CATSPERD: variants seen among roughly 807,000 people sequenced by gnomAD.
The protein encoded by CATSPERD is cation channel sperm-associated auxiliary subunit delta.
Under a neutral mutation model 98.1 loss-of-function variants are expected in CATSPERD, and 86 were observed. That is an observed-to-expected ratio of 0.88 (90% CI 0.74 to 1.05). CATSPERD has a LOEUF of 1.05. Among genes scored for constraint, CATSPERD ranks in the 50% least tolerant of loss-of-function variants. The probability of loss-of-function intolerance (pLI) is 0.00; values close to 1 mark genes in which losing one functional copy is unlikely to be tolerated. For synonymous variants in CATSPERD, 394 were observed against 390.2 expected, an observed-to-expected ratio of 1.01 and a Z score of -0.12; for missense variants, 995 against 1,005.7, an observed-to-expected ratio of 0.99 and a Z score of 0.14.
In CATSPERD at chr19:5,763,268, T is replaced by C. The variant is rs1410288966; in HGVS notation, c.1481T>C (p.Ile494Thr). The C allele has an allele frequency of 6.2e-7, 1 of 1,613,930 alleles. No individual in the cohort carries two copies. The highest frequency in any genetic ancestry group is 8.5e-7 in the Non-Finnish European group (1 of 1,179,970). ...ACTGTGGACATAGCAAACAAGGAAA[T>C]TTCATGTGTGGATATCAAGCCACTG... ...TLTVDIANKEISCVDIKPLST... is the reference protein window; with the variant it reads ...TLTVDIANKETSCVDIKPLST... The change falls in exon 16 of 22, where the codon ATT (isoleucine) becomes ACT (threonine). Residue 494 changes from isoleucine to threonine, a missense_variant. Transcript: ENST00000381624.
At chr19:5,767,464 C>T (rs998150725) in intron 17 of CATSPERD, among the ~76,000 whole-genome samples, 1 of 150,720 alleles carries the variant, frequency 6.6e-6, no homozygotes, top group African/African-American at 2.4e-5. Context: ...ATGCATTAGA[C>T]GCAAAGGTGT....
Position 5,772,389 on chromosome 19 carries a change from G to T in CATSPERD, c.1764-399G>T, listed in dbSNP as rs145076919. ...ATTACAGGCGCCCGCCACTGCGCCC[G>T]GCTAATTTTTTTTATTTTTAGTAGA... On this transcript the variant is annotated intron_variant, in intron 19 of 21. Coordinates refer to ENST00000381624, the MANE Select transcript of CATSPERD (RefSeq NM_152784.4). 8.7e-3 allele frequency: 2,207 copies of T among 253,938 alleles called. 61 individuals carry two copies. Among genetic ancestry groups the T allele is most frequent in the African/African-American group, 0.047 (2,023 of 42,608 alleles). 15.7% of individuals were successfully genotyped at this position (253,938 alleles called of 1,614,324 possible). A position where few individuals can be genotyped will look rare whatever the true frequency, so the allele number is the denominator to read the frequency against.
chr19:5,747,988 C>A (rs1023905306), intron 9 of CATSPERD, among the ~76,000 whole-genome samples, 172 bp from the exon 10 acceptor site: 4 of 152,040 alleles, frequency 2.6e-5, no homozygotes, highest in African/African-American at 9.7e-5. Context: ...CTGTATTCTC[C>A]TTGATTCATT....
chr19:5,772,680 C>T lies in CATSPERD; in HGVS notation c.1764-108C>T. On this transcript the variant is annotated intron_variant, in intron 19 of 21. Coordinates refer to ENST00000381624, the MANE Select transcript of CATSPERD (RefSeq NM_152784.4). Reference sequence around the variant, plus strand: ...AGGCGTCCTTTGGTTTCCTCTCTGTCACCTCCCACCCCCCAAGCGGTTTTG... The same window carrying T: ...AGGCGTCCTTTGGTTTCCTCTCTGTTACCTCCCACCCCCCAAGCGGTTTTG... 3 of 1,144,976 alleles carry T rather than the reference C, an allele frequency of 2.6e-6. No homozygotes were observed. The Middle Eastern group carries it at 6.5e-4, about 248-fold the overall frequency. 70.9% of individuals were successfully genotyped at this position (1,144,976 alleles called of 1,614,324 possible). A position where few individuals can be genotyped will look rare whatever the true frequency, so the allele number is the denominator to read the frequency against.
intron 16 of CATSPERD, among the ~76,000 whole-genome samples, chr19:5,765,655 T>C (rs1007244635): frequency 3.3e-5 from 5 of 151,188 alleles, no homozygotes; most frequent in Non-Finnish European, 7.4e-5. Flanking sequence ...CTACTAAAAA[T>C]ACAAAAATTA....
chr19:5,758,320 C>T (rs903339411), intron 14 of CATSPERD, among the ~76,000 whole-genome samples: 2 of 152,054 alleles, frequency 1.3e-5, no homozygotes, highest in Non-Finnish European at 2.9e-5. Context: ...AGAAAACAGT[C>T]ACTCCTCACT....
At chr19:5,769,577 G>C (rs1198053271) in intron 18 of CATSPERD, among the ~76,000 whole-genome samples, 5 of 152,052 alleles carry the variant, frequency 3.3e-5, no homozygotes, top group Admixed American at 3.3e-4. Flanking sequence ...TGCCACGCGA[G>C]TGCACACTTC....
In CATSPERD at chr19:5,751,823, G is replaced by C. The variant is rs767902969; in HGVS notation, c.1164G>C (p.Lys388Asn). ...MDPELHVGKC[K>N]IEFLTGEFIY... ...CTGAACTCCACGTTGGAAAGTGCAA[G>C]GTATGTGATCCTAACTGTTTTGATC... Residue 388 changes from lysine to asparagine, a missense_variant and splice_region_variant, in exon 12 of 22, where the codon AAG becomes AAC. By Grantham distance (94) the Lys-to-Asn change is moderately conservative (BLOSUM62 0). Around this residue, in one of 3 missense-constraint regions of CATSPERD, gnomAD observed 762 missense variants for 773.7 expected, o/e 0.98. Transcript: ENST00000381624. 1 of 1,609,646 alleles carries C rather than the reference G, an allele frequency of 6.2e-7. No homozygotes were observed. Among genetic ancestry groups the C allele is most frequent in the Non-Finnish European group, 8.5e-7 (1 of 1,177,740 alleles).
chr19:5,754,500 G>A (rs1050381368), intron 13 of CATSPERD, among the ~76,000 whole-genome samples: 2 of 143,774 alleles, frequency 1.4e-5, no homozygotes, highest in African/African-American at 2.5e-5. Context: ...CTGGGCTCAA[G>A]CAATTCTCCT....
At chr19:5,734,229 G>A (rs758196702) in intron 5 of CATSPERD, among the ~76,000 whole-genome samples, 14 of 152,216 alleles carry the variant, frequency 9.2e-5, no homozygotes, top group Non-Finnish European at 1.8e-4. Flanking sequence ...TTGGCCGGGT[G>A]CGCTGGCTCA....
rs189827309 is a variant in CATSPERD, at chr19:5,769,801, G to A, written c.1635-1143G>A. 3.3e-3 allele frequency among the ~76,000 whole-genome samples: 501 copies of A among 152,120 alleles called. 9 individuals carry two copies. Among genetic ancestry groups the A allele is most frequent in the Middle Eastern group, 6.8e-3 (2 of 294 alleles). The stretch of plus-strand genomic sequence containing the variant: ...TATTAGTTGGTGCAAAAGTAATTAC[G>A]GTTTTGGCCGGGCAGGGTGGCTCAT... On this transcript the variant is annotated intron_variant, in intron 18 of 21. Transcript: ENST00000381624.
Position 5,776,267 on chromosome 19 carries a change from A to T in CATSPERD, c.2048A>T (p.His683Leu). The change falls in exon 21 of 22, where the codon CAC (histidine) becomes CTC (leucine). Residue 683 changes from histidine to leucine, a missense_variant. His to Leu is a moderately conservative substitution (Grantham distance 99). Transcript: ENST00000381624. ...ACAGCAAACCAGATCATTTTCGGCC[A>T]CAATGGCTTTTATGTCTTCTACATT... ...GRTANQIIFG[H>L]NGFYVFYISI... 1 of 1,614,218 alleles carries T rather than the reference A, an allele frequency of 6.2e-7. No homozygotes were observed. The highest frequency in any genetic ancestry group is 8.5e-7 in the Non-Finnish European group (1 of 1,180,044).
chr19:5,721,492 C>T (rs1239526407), intron 1 of CATSPERD, among the ~76,000 whole-genome samples: 1 of 152,086 alleles, frequency 6.6e-6, no homozygotes, highest in Admixed American at 6.6e-5. Flanking sequence ...TTAGTGCATA[C>T]TCCAACCTGC....
chr19:5,766,841 C>T (rs955863693), intron 17 of CATSPERD, among the ~76,000 whole-genome samples: 30 of 151,338 alleles, frequency 2.0e-4, no homozygotes, highest in Admixed American at 5.9e-4. Context: ...TACAGGCGCC[C>T]GCTACCATGC....
At chr19:5,754,367 A>G in intron 13 of CATSPERD, 122 bp downstream of exon 13, 3 of 568,040 alleles carry the variant, frequency 5.3e-6, no homozygotes, top group East Asian at 3.0e-5. Flanking sequence ...CACACTCACA[A>G]TTCTGCATAG....
In CATSPERD at chr19:5,729,940, T is replaced by G; in HGVS notation, c.272T>G (p.Met91Arg). 6.4e-7 allele frequency: 1 copy of G among 1,564,166 alleles called. No homozygotes were observed. Among genetic ancestry groups the G allele is most frequent in the South Asian group, 1.1e-5 (1 of 87,768 alleles). Reference sequence around the variant, plus strand: ...CTTCCATTTACCATCCCTACATCAATGCAGGTAGTTATTTTACTGAGTGAT... The same window carrying G: ...CTTCCATTTACCATCCCTACATCAAGGCAGGTAGTTATTTTACTGAGTGAT... ...SLLPFTIPTSMQVGVPEVTSA... is the reference protein window; with the variant it reads ...SLLPFTIPTSRQVGVPEVTSA... Residue 91 changes from methionine (M) to arginine (R), a missense_variant, in exon 4 of 22, where the codon ATG becomes AGG. Met to Arg is a moderately conservative substitution (Grantham distance 91). Transcript: ENST00000381624.
chr19:5,774,261 C>T (rs192287943), intron 20 of CATSPERD, among the ~76,000 whole-genome samples: 8 of 152,034 alleles, frequency 5.3e-5, no homozygotes, highest in African/African-American at 1.9e-4. Context: ...CCACTGCGCC[C>T]GGTCGGCTCT....
intron 14 of CATSPERD, among the ~76,000 whole-genome samples, chr19:5,758,793 G>A (rs1004334185): frequency 1.3e-5 from 2 of 151,294 alleles, no homozygotes; most frequent in Admixed American, 6.6e-5. Context: ...GCATGGTAAC[G>A]CTCACCTGTA....
At position 5,729,962 on chromosome 19, in the gene CATSPERD, T is replaced by C. The variant is rs1415318696; in HGVS notation, c.276+18T>C. Reference sequence around the variant, plus strand: ...CAATGCAGGTAGTTATTTTACTGAGTGATCTGAAGGATGCTAGTATAAGTA... The same window carrying C: ...CAATGCAGGTAGTTATTTTACTGAGCGATCTGAAGGATGCTAGTATAAGTA... On this transcript the variant is annotated intron_variant, in intron 4 of 21. Transcript: ENST00000381624. The C allele has an allele frequency of 1.5e-6, 2 of 1,362,352 alleles. No individual in the cohort carries two copies. Among genetic ancestry groups the C allele is most frequent in the Non-Finnish European group, 2.1e-6 (2 of 958,436 alleles). The allele number at this position is 1,362,352 out of a possible 1,614,324, so 84.4% of individuals were successfully genotyped here. A position where few individuals can be genotyped will look rare whatever the true frequency, so the allele number is the denominator to read the frequency against.
Sources: gnomAD v4.1 joint callset for allele counts (sites outside exome capture counted in the v4.1 genomes callset) on GRCh38, gnomAD v4.1.1 for gene constraint, gnomAD v4.1.1 regional missense constraint, MANE v1.5 for transcripts, NCBI Gene and HGNC (gene_info 2026-07-23, HGNC 2026-07-21) for gene names.